PZP: variants seen among roughly 807,000 people sequenced by gnomAD.
PZP encodes pregnancy zone protein.
A neutral mutation model predicts 179.8 loss-of-function variants in PZP; 150 were observed. That is an observed-to-expected ratio of 0.83 (90% confidence interval 0.73 to 0.96). The LOEUF (loss-of-function observed/expected upper bound fraction) is 0.96, where lower values mean the gene tolerates loss of function less well. Among genes scored for constraint, PZP ranks in the 40% least tolerant of loss-of-function variants. PZP has a pLI of 0.00. For missense variants in PZP, 1,689 were observed against 1,764.0 expected, an observed-to-expected ratio of 0.96 and a Z score of 0.76; for synonymous variants, 624 against 652.3, an observed-to-expected ratio of 0.96 and a Z score of 0.66.
intron 15 of PZP, among the ~76,000 whole-genome samples, chr12:9,174,769 T>A (rs1942249317): frequency 6.6e-6 from 1 of 152,106 alleles, no homozygotes; most frequent in Non-Finnish European, 1.5e-5. Context: ...GTGAAGGACC[T>A]CTTCAAGGAG....
chr12:9,167,308 A>T (rs1006765531), intron 17 of PZP: 3 of 152,240 alleles, frequency 2.0e-5, no homozygotes, highest in African/African-American at 7.2e-5. Context: ...TTAGTGGACC[A>T]TGGCTATATC....
intron 15 of PZP, among the ~76,000 whole-genome samples, chr12:9,171,237 C>T (rs1565639864): frequency 1.3e-5 from 2 of 152,108 alleles, no homozygotes; most frequent in Admixed American, 1.3e-4. Context: ...TGGAGTGGAC[C>T]CCCAGCAAAC....
intron 13 of PZP, among the ~76,000 whole-genome samples, chr12:9,187,150 C>G (rs1264794569): frequency 6.9e-6 from 1 of 145,834 alleles, no homozygotes; most frequent in African/African-American, 2.5e-5. Flanking sequence ...CCTAACTAAA[C>G]AAAATCTACA....
At chr12:9,193,940 T>C (rs2121121819) in intron 11 of PZP, 137 bp downstream of exon 11, 2 of 844,138 alleles carry the variant, frequency 2.4e-6, no homozygotes, top group Middle Eastern at 7.7e-4. Flanking sequence ...TGAAATTCTA[T>C]TATCCTCAAA....
At chr12:9,165,916 A>C in intron 18 of PZP, 136 bp downstream of exon 18, 1 of 1,068,606 alleles carries the variant, frequency 9.4e-7, no homozygotes. Context: ...TGCGCATTTT[A>C]CTTAGGTCTA....
At chr12:9,166,711 AT>A (rs1941611026) in intron 17 of PZP, among the ~76,000 whole-genome samples, 1 of 152,258 alleles carries the variant, frequency 6.6e-6, no homozygotes. Context: ...TCTCTGGGAA[AT>A]AAGATTAGAG....
intron 29 of PZP, among the ~76,000 whole-genome samples, chr12:9,153,898 G>A (rs559242669): frequency 4.6e-5 from 7 of 152,118 alleles, no homozygotes; most frequent in Non-Finnish European, 8.8e-5. Context: ...TTATACTCTC[G>A]ATAAAATACT....
In PZP at chr12:9,158,425, T is replaced by C. The variant is rs1394490258; in HGVS notation, c.3289A>G (p.Ile1097Val). The C allele has an allele frequency of 2.5e-6, 4 of 1,614,156 alleles. No homozygotes were observed. Among genetic ancestry groups the C allele is most frequent in the Non-Finnish European group, 3.4e-6 (4 of 1,180,002 alleles). Residue 1097 changes from isoleucine (I) to valine (V), a missense_variant, in exon 26 of 36, where the codon ATA (isoleucine) becomes GTA (valine). This residue lies in a region of PZP where 746 missense variants were observed against 749.2 expected (regional missense o/e 1.00). Coordinates refer to ENST00000261336, the MANE Select transcript of PZP (RefSeq NM_002864.3). Reference sequence around the variant, plus strand: ...AAGTTTGTGGAACAGTTCACCTTTATGGCATTGTTGAGCAGTGACCCAGAG... The same window carrying C: ...AAGTTTGTGGAACAGTTCACCTTTACGGCATTGTTGAGCAGTGACCCAGAG... ...RSSGSLLNNA[I>V]KGGVEDEATL...
At chr12:9,157,665 T>A in intron 27 of PZP, 102 bp downstream of exon 27, 1 of 1,077,946 alleles carries the variant, frequency 9.3e-7, no homozygotes, top group Non-Finnish European at 1.4e-6. Flanking sequence ...TCCCTCATCA[T>A]TGAACCAAAA....
intron 25 of PZP, among the ~76,000 whole-genome samples, 157 bp from the exon 26 acceptor site, chr12:9,158,733 T>C (rs1377031224): frequency 6.9e-6 from 1 of 145,530 alleles, no homozygotes; most frequent in African/African-American, 2.5e-5. Context: ...CTTAGACATC[T>C]CTTTTTCTTT....
In PZP at chr12:9,166,868, C is replaced by A. The variant is rs1174338895; in HGVS notation, c.2108-666G>T. The A allele has an allele frequency of 2.0e-5, 3 of 152,162 alleles. No homozygotes were observed. In the East Asian group the frequency reaches 5.8e-4, roughly 29 times the overall value. 9.4% of individuals were successfully genotyped at this position (152,162 alleles called of 1,614,324 possible). A position where few individuals can be genotyped will look rare whatever the true frequency, so the allele number is the denominator to read the frequency against. Reference sequence around the variant, plus strand: ...GAGGGTGGAGAGCTAGACATGAAAGCAATTTTGTCCACGTTGTGCCTGAAA... The same window carrying A: ...GAGGGTGGAGAGCTAGACATGAAAGAAATTTTGTCCACGTTGTGCCTGAAA... On this transcript the variant is annotated intron_variant, in intron 17 of 35. Coordinates refer to ENST00000261336, the MANE Select transcript of PZP (RefSeq NM_002864.3).
At chr12:9,195,468 C>T (rs767619964) in intron 10 of PZP, among the ~76,000 whole-genome samples, 19 of 150,946 alleles carry the variant, frequency 1.3e-4, no homozygotes, top group African/African-American at 4.4e-4. Context: ...TTTTCTTTCA[C>T]AACTGGTCTC....
At chr12:9,165,414 C>G in intron 18 of PZP, 47 bp from the exon 19 acceptor site, 5 of 1,601,906 alleles carry the variant, frequency 3.1e-6, no homozygotes, top group Non-Finnish European at 4.3e-6. Context: ...ATGTAAGCCA[C>G]CTTTTCTCAA....
the PZP span, among the ~76,000 whole-genome samples, chr12:9,142,647 A>G: frequency 2.0e-5 from 3 of 152,220 alleles, no homozygotes; most frequent in Non-Finnish European, 4.4e-5. Flanking sequence ...ATAGCCACAC[A>G]GACAACCAGA....
chr12:9,163,607 C>T, intron 21 of PZP, 61 bp downstream of exon 21: 2 of 1,579,120 alleles, frequency 1.3e-6, no homozygotes, highest in East Asian at 4.5e-5. Context: ...TTTGTTGTCT[C>T]AAGAGTGACC....
At chr12:9,188,229 T>C in intron 13 of PZP, among the ~76,000 whole-genome samples, 1 of 152,198 alleles carries the variant, frequency 6.6e-6, no homozygotes, top group East Asian at 1.9e-4. Context: ...CATAGGCATA[T>C]CAATAAATGT....
intron 1 of PZP, among the ~76,000 whole-genome samples, 170 bp from the exon 2 acceptor site, chr12:9,204,121 C>G (rs775472141): frequency 3.9e-5 from 6 of 152,160 alleles, no homozygotes; most frequent in Admixed American, 1.3e-4. Context: ...AAAATTTTAT[C>G]TTTTACTCAT....
At chr12:9,186,444 A>G (rs1943122748) in intron 13 of PZP, among the ~76,000 whole-genome samples, 1 of 152,214 alleles carries the variant, frequency 6.6e-6, no homozygotes, top group East Asian at 1.9e-4. Context: ...GCCCCAATTA[A>G]GAGGCACAGA....
chr12:9,151,602 A>G lies in PZP; in HGVS notation c.4281+2T>C, dbSNP rs777025388. ...TCTCAGCCAGGATGTCAGAGCCCTC[A>G]CCTGTTCCACATAAATGAGGACATG... On this transcript the variant is annotated splice_donor_variant, in intron 33 of 35. Transcript: ENST00000261336. LOFTEE classifies it high-confidence loss of function. The G allele has an allele frequency of 4.3e-6, 7 of 1,613,274 alleles. No individual in the cohort carries two copies. The highest frequency in any genetic ancestry group is 5.1e-6 in the Non-Finnish European group (6 of 1,179,410).
Sources: allele counts gnomAD v4.1 joint callset (sites outside exome capture counted in the v4.1 genomes callset), GRCh38; gene constraint gnomAD v4.1.1; regional missense constraint gnomAD v4.1.1; transcripts MANE v1.5; gene names NCBI Gene and HGNC (gene_info 2026-07-23, HGNC 2026-07-21).